Variants in ANO1 observed in about 807,000 individuals in gnomAD.
ANO1 encodes the protein anoctamin-1.
ANO1 carries 59 observed loss-of-function variants against 124.0 expected under a neutral mutation model. The ratio of observed to expected loss-of-function variants is 0.48; its 90% CI spans 0.39 to 0.59. ANO1 has a LOEUF of 0.59. Among genes scored for constraint, ANO1 ranks in the 20% least tolerant of loss-of-function variants. ANO1 has a pLI of 0.00. For synonymous variants in ANO1, 529 were observed against 532.0 expected, an observed-to-expected ratio of 0.99 and a Z score of 0.08; for missense variants, 1,059 against 1,328.0, an observed-to-expected ratio of 0.80 and a Z score of 3.15.
At chr11:70,080,153 A>G (rs143212434) in intron 1 of ANO1, among the ~76,000 whole-genome samples, 4 of 152,348 alleles carry the variant, frequency 2.6e-5, no homozygotes, top group African/African-American at 9.6e-5. Context: ...GACAGGGACT[A>G]TTCCATAGTG....
intron 21 of ANO1, chr11:70,170,096 G>A (rs956183131): frequency 2.6e-5 from 12 of 455,590 alleles, no homozygotes; most frequent in Non-Finnish European, 5.3e-5. Context: ...GTCCTGGGCA[G>A]TGGGTCCCCA....
At chr11:70,065,388 GCACTACCCC>G (rs1377588000) in intron 1 of ANO1, 1 of 152,318 alleles carries the variant, frequency 6.6e-6, no homozygotes, top group Non-Finnish European at 1.5e-5. Flanking sequence ...TGTTTCCTGG[GCACTACCCC>G]CAGCTCGCTG....
chr11:70,088,190 T>C, intron 2 of ANO1, 106 bp downstream of exon 2: 1 of 838,944 alleles, frequency 1.2e-6, no homozygotes, highest in Non-Finnish European at 1.8e-6. Flanking sequence ...GGCTGGTATC[T>C]TGTTTTAGCT....
At chr11:70,065,288 G>A (rs782465961) in intron 1 of ANO1, 5 of 152,284 alleles carry the variant, frequency 3.3e-5, no homozygotes, top group South Asian at 2.1e-4. Context: ...CCATCACAGC[G>A]GTTGGGGTCT....
chr11:70,070,634 C>A (rs114611609), intron 1 of ANO1, among the ~76,000 whole-genome samples: 2,054 of 152,336 alleles, frequency 0.013, 44 homozygotes, highest in African/African-American at 0.046. Context: ...CAAGATCATG[C>A]CAATGCGCTC....
chr11:70,092,081 C>G (rs916816098), intron 2 of ANO1, among the ~76,000 whole-genome samples: 11 of 152,188 alleles, frequency 7.2e-5, no homozygotes, highest in Non-Finnish European at 1.3e-4. Context: ...ATCCTTCCTG[C>G]CTTTACCAGC....
rs189715781 is a variant in ANO1, at chr11:70,178,547, G to A, written c.2351-1457G>A. ...CTTCTCAAATTGCCTACCAGCAATG[G>A]GTTGCAGTGGGTATTTCTCTTTTTT... On this transcript the variant is annotated intron_variant, in intron 22 of 25. Coordinates refer to ENST00000355303, the MANE Select transcript of ANO1 (RefSeq NM_018043.7). Among the ~76,000 whole-genome samples the A allele has an allele frequency of 1.2e-4, 18 of 147,504 alleles. No homozygotes were observed. In the East Asian group the frequency reaches 3.7e-3, roughly 30 times the overall value.
chr11:70,078,535 C>A lies in ANO1; in HGVS notation c.-72C>A. 6 of 1,099,708 alleles carry A rather than the reference C, an allele frequency of 5.5e-6. No individual in the cohort carries two copies. Among genetic ancestry groups the A allele is most frequent in the Admixed American group, 3.7e-5 (1 of 26,892 alleles). The allele number at this position is 1,099,708 out of a possible 1,614,324, so 68.1% of individuals were successfully genotyped here. On this transcript the variant is annotated 5_prime_UTR_variant, in exon 1 of 26. Transcript: ENST00000355303. ...CGCGCCGCGAACGCTGCGGTCTCCG[C>A]CCGCAGAGGCCGCCGGGGCCGTGGA...
At chr11:70,172,635 G>A (rs979930080) in intron 22 of ANO1, among the ~76,000 whole-genome samples, 3 of 151,922 alleles carry the variant, frequency 2.0e-5, no homozygotes, top group African/African-American at 4.8e-5. Context: ...TTTGGGAGGC[G>A]GAAGCAGGTG....
intron 2 of ANO1, among the ~76,000 whole-genome samples, chr11:70,098,129 C>T (rs549142347): frequency 6.6e-6 from 1 of 152,350 alleles, no homozygotes; most frequent in African/African-American, 2.4e-5. Context: ...CCACAGCAGC[C>T]CCGCGTCCTC....
At chr11:70,047,602 T>C (rs534756642) in intron 1 of ANO1, among the ~76,000 whole-genome samples, 13 of 152,240 alleles carry the variant, frequency 8.5e-5, no homozygotes, top group Non-Finnish European at 1.3e-4. Context: ...GAGTTTCTTC[T>C]TAACTGAAAA....
At chr11:69,973,607 C>T in the ANO1 span, among the ~76,000 whole-genome samples, 3 of 151,970 alleles carry the variant, frequency 2.0e-5, no homozygotes, top group Non-Finnish European at 4.4e-5. Context: ...GGCGCGGTGG[C>T]TCATGTCTGT....
the ANO1 span, among the ~76,000 whole-genome samples, chr11:69,976,333 C>A: frequency 6.6e-6 from 1 of 151,866 alleles, no homozygotes; most frequent in Non-Finnish European, 1.5e-5. Flanking sequence ...CACGGTGAAA[C>A]CCCGTCTACT....
chr11:70,047,735 G>A (rs1417851396), intron 1 of ANO1, among the ~76,000 whole-genome samples: 1 of 152,088 alleles, frequency 6.6e-6, no homozygotes, highest in Non-Finnish European at 1.5e-5. Flanking sequence ...TAAAGACCCA[G>A]AAATATCTCA....
chr11:69,974,061 G>A, the ANO1 span, among the ~76,000 whole-genome samples: 4 of 152,226 alleles, frequency 2.6e-5, no homozygotes, highest in East Asian at 3.9e-4. Context: ...GTTCATACCT[G>A]TAATTCCAGC....
At chr11:70,108,243 G>T in intron 5 of ANO1, 110 bp from the exon 6 acceptor site, 1 of 1,020,000 alleles carries the variant, frequency 9.8e-7, no homozygotes, top group Non-Finnish European at 1.5e-6. Context: ...GCACCAAGGA[G>T]GTCTTCATGC....
chr11:70,082,782 G>A (rs187741848), intron 1 of ANO1, among the ~76,000 whole-genome samples: 1 of 152,234 alleles, frequency 6.6e-6, no homozygotes, highest in Admixed American at 6.5e-5. Flanking sequence ...CCACTGCTCC[G>A]TGGAAGGGCA....
intron 1 of ANO1, among the ~76,000 whole-genome samples, chr11:70,028,409 A>G (rs1856946103): frequency 6.6e-6 from 1 of 152,124 alleles, no homozygotes; most frequent in South Asian, 2.1e-4. Flanking sequence ...CACCCCAGGG[A>G]CAACATGCTG....
At position 70,169,896 on chromosome 11, in the gene ANO1, G is replaced by A. The variant is rs78665225; in HGVS notation, c.2198-991G>A. ...TTACCGCCTGGCACCAAACGCCCTT[G>A]GACTGGGTCCTGCTGTGCAGTTCCC... On this transcript the variant is annotated intron_variant, in intron 21 of 25. Coordinates refer to ENST00000355303, the MANE Select transcript of ANO1 (RefSeq NM_018043.7). 6.7e-3 allele frequency: 1,831 copies of A among 274,724 alleles called. 35 individuals are homozygous for A. The highest frequency in any genetic ancestry group is 0.039 in the African/African-American group (1,738 of 44,624). 17.0% of individuals were successfully genotyped at this position (274,724 alleles called of 1,614,324 possible).
Sources: allele counts gnomAD v4.1 joint callset (sites outside exome capture counted in the v4.1 genomes callset), GRCh38; gene constraint gnomAD v4.1.1; transcripts MANE v1.5; gene names NCBI Gene and HGNC (gene_info 2026-07-23, HGNC 2026-07-21).